Variants in NREP observed in about 807,000 individuals in gnomAD.
NREP encodes neuronal regeneration related protein.
In NREP, 5 loss-of-function variants were observed where a neutral mutation model predicts 8.6. The observed-to-expected ratio is 0.58, with a 90% confidence interval of 0.30 to 1.22. NREP has a LOEUF of 1.22. NREP is among the 50% of genes most tolerant of loss of function. NREP has a pLI of 0.07. For missense variants in NREP, 86 were observed against 82.5 expected (o/e 1.04, Z -0.17); for synonymous variants, 27 against 28.0 (o/e 0.96, Z 0.11).
Position 111,736,597 on chromosome 5 carries a change from C to A in NREP, c.4-1090G>T, listed in dbSNP as rs1466997536. Among the ~76,000 whole-genome samples the A allele has an allele frequency of 2.0e-5, 3 of 152,180 alleles. No homozygotes were observed. The East Asian group carries it at 5.8e-4, about 29-fold the overall frequency. ...AGTTGACTGTAATGCTTGGTATACC[C>A]CGATCAATCCATTTTGTCAGGGAAT... is the stretch of plus-strand genomic sequence containing the variant. On this transcript the variant is annotated intron_variant, in intron 2 of 3. Transcript: ENST00000257435.
In NREP at chr5:111,786,078, T is replaced by G. The variant is rs547282123; in HGVS notation, c.136-50571A>C. ...CTTTCATTGATATTCATTCAGCTCC[T>G]GATCATTTGCTTCCAAAGACAGGGA... On this transcript the variant is annotated intron_variant, in intron 2 of 3. Transcript: ENST00000395634. 4.6e-5 allele frequency among the ~76,000 whole-genome samples: 7 copies of G among 152,340 alleles called. 1 individual carries two copies. The highest frequency in any genetic ancestry group is 1.7e-4 in the African/African-American group (7 of 41,576).
At chr5:111,946,087 CACACACACACACACAT>C (rs1294804463) in intron 2 of NREP, among the ~76,000 whole-genome samples, 2 of 125,464 alleles carry the variant, frequency 1.6e-5, no homozygotes, top group African/African-American at 5.7e-5. Context: ...CACACACACA[CACACACACACACACAT>C]AAGAAAATAA....
intron 2 of NREP, among the ~76,000 whole-genome samples, chr5:111,775,416 A>G (rs255889): frequency 0.12 from 18,039 of 152,088 alleles, 1,400 homozygotes; most frequent in African/African-American, 0.21. Flanking sequence ...TACTTGTCAA[A>G]GCTGAGCACA....
chr5:111,731,137 T>C (rs1748518012), intron 3 of NREP, 91 bp from the exon 4 acceptor site: 3 of 1,453,872 alleles, frequency 2.1e-6, no homozygotes, highest in African/African-American at 2.8e-5. Context: ...ATTTTGCTTT[T>C]CCTGCCCAGC....
At chr5:111,742,577 G>T (rs1581057931) in intron 2 of NREP, among the ~76,000 whole-genome samples, 1 of 152,066 alleles carries the variant, frequency 6.6e-6, no homozygotes, top group East Asian at 1.9e-4. Flanking sequence ...TTCAAGGGGG[G>T]CAAGAAATCA....
chr5:111,935,283 G>A (rs1013301406), intron 2 of NREP, among the ~76,000 whole-genome samples: 2 of 152,084 alleles, frequency 1.3e-5, no homozygotes, highest in African/African-American at 4.8e-5. Flanking sequence ...AATGTAGGCA[G>A]ATAGGACCTT....
chr5:111,967,248 C>T (rs993633965), intron 2 of NREP, among the ~76,000 whole-genome samples: 1 of 152,162 alleles, frequency 6.6e-6, no homozygotes, highest in Non-Finnish European at 1.5e-5. Flanking sequence ...CATTAACATT[C>T]ACACAGTAAC....
intron 2 of NREP, among the ~76,000 whole-genome samples, chr5:111,920,322 T>C (rs1755202296): frequency 6.6e-6 from 1 of 152,172 alleles, no homozygotes; most frequent in East Asian, 1.9e-4. Flanking sequence ...TTTAAAGTTT[T>C]AGGATACATG....
At chr5:111,737,715 T>TA (rs554103997) in intron 2 of NREP, among the ~76,000 whole-genome samples, 13,359 of 119,458 alleles carry the variant, frequency 0.11, 1,490 homozygotes, top group African/African-American at 0.29. Context: ...CTCCATTTGC[T>TA]AAAAAAAAAA....
chr5:111,780,504 A>T (rs1433252284), intron 2 of NREP, among the ~76,000 whole-genome samples: 1 of 152,128 alleles, frequency 6.6e-6, no homozygotes, highest in African/African-American at 2.4e-5. Flanking sequence ...TGTAAATCCC[A>T]CTCATTGCTG....
chr5:111,835,232 A>AT (rs1353419766), intron 2 of NREP, among the ~76,000 whole-genome samples: 10 of 151,928 alleles, frequency 6.6e-5, no homozygotes, highest in Non-Finnish European at 1.0e-4. Context: ...CTATCATAGG[A>AT]TTTTTTTTCT....
chr5:111,948,188 T>A (rs150131903), intron 2 of NREP, among the ~76,000 whole-genome samples: 99 of 152,240 alleles, frequency 6.5e-4, no homozygotes, highest in African/African-American at 2.4e-3. Flanking sequence ...TCTAGTAATT[T>A]CATCTTTCCT....
At chr5:111,904,700 C>G (rs1754735005) in intron 2 of NREP, among the ~76,000 whole-genome samples, 1 of 152,052 alleles carries the variant, frequency 6.6e-6, no homozygotes, top group East Asian at 1.9e-4. Flanking sequence ...ATTAAAGGCC[C>G]TTGGAGATCG....
At chr5:111,970,594 G>A (rs865864333) in intron 2 of NREP, among the ~76,000 whole-genome samples, 1 of 152,114 alleles carries the variant, frequency 6.6e-6, no homozygotes, top group Non-Finnish European at 1.5e-5. Context: ...GGGAGGCTGA[G>A]GCGGGTGGAT....
At chr5:111,782,875 C>T (rs1377317862) in intron 2 of NREP, among the ~76,000 whole-genome samples, 1 of 151,932 alleles carries the variant, frequency 6.6e-6, no homozygotes, top group Non-Finnish European at 1.5e-5. Context: ...GCTGTGATTA[C>T]AGTCATATGG....
rs570885519 is a variant in NREP, at chr5:111,975,422, C to G, written c.31-44G>C. Reference sequence around the variant, plus strand: ...GTAGAAAACGTGAGCACTGACCCCCCTGAGTGCCACAACTCACAGCTCCAG... The same window carrying G: ...GTAGAAAACGTGAGCACTGACCCCCGTGAGTGCCACAACTCACAGCTCCAG... On this transcript the variant is annotated intron_variant, in intron 1 of 3. Transcript: ENST00000395634. 175 of 1,342,122 alleles carry G rather than the reference C, an allele frequency of 1.3e-4. 3 individuals carry two copies. The South Asian group carries it at 2.2e-3, about 17-fold the overall frequency. 83.1% of individuals were successfully genotyped at this position (1,342,122 alleles called of 1,614,324 possible).
At chr5:111,891,948 C>G (rs1754405400) in intron 2 of NREP, among the ~76,000 whole-genome samples, 1 of 152,152 alleles carries the variant, frequency 6.6e-6, no homozygotes, top group African/African-American at 2.4e-5. Flanking sequence ...CAAACTATAT[C>G]AGTCATTATG....
intron 2 of NREP, among the ~76,000 whole-genome samples, chr5:111,740,906 T>C (rs1006766116): frequency 1.3e-5 from 2 of 152,186 alleles, no homozygotes; most frequent in African/African-American, 4.8e-5. Context: ...CAATATTTCT[T>C]TGGGGAGACT....
rs1561625363 is a variant in NREP, at chr5:111,730,878, C to G, written c.*43G>C. 6.2e-7 allele frequency: 1 copy of G among 1,607,350 alleles called. No individual in the cohort carries two copies. Among genetic ancestry groups the G allele is most frequent in the South Asian group, 1.1e-5 (1 of 90,654 alleles). ...CCCATATATGATACCATGACCTCAT[C>G]AATACCCATACACCATATGTAATAC... is the stretch of plus-strand genomic sequence containing the variant. On this transcript the variant is annotated 3_prime_UTR_variant, in exon 4 of 4. Coordinates refer to ENST00000257435, the MANE Select transcript of NREP (RefSeq NM_004772.4).
Sources: gnomAD v4.1 joint callset for allele counts (sites outside exome capture counted in the v4.1 genomes callset) on GRCh38, gnomAD v4.1.1 for gene constraint, MANE v1.5 for transcripts, NCBI Gene and HGNC (gene_info 2026-07-23, HGNC 2026-07-21) for gene names.